REDIC1: variants seen among roughly 807,000 people sequenced by gnomAD.
REDIC1 encodes HEI10 Interacting Protein 1.
the REDIC1 span, among the ~76,000 whole-genome samples, chr12:39,877,956 G>T: frequency 1.3e-5 from 2 of 152,084 alleles, no homozygotes; most frequent in African/African-American, 2.4e-5. Flanking sequence ...CATGAGATTT[G>T]GTCATCTAAA....
chr12:39,862,729 G>A, the REDIC1 span, among the ~76,000 whole-genome samples: 1 of 152,246 alleles, frequency 6.6e-6, no homozygotes, highest in East Asian at 1.9e-4. Flanking sequence ...TATTGTGTAT[G>A]CATAATAGTG....
At chr12:39,812,996 A>ATTTTTT in the REDIC1 span, among the ~76,000 whole-genome samples, 6,794 of 40,560 alleles carry the variant, frequency 0.17, 2,918 homozygotes, top group Admixed American at 0.25. Context: ...TGCCCAGCTA[A>ATTTTTT]TTTTTTTTTT....
chr12:39,816,593 GAA>G, the REDIC1 span, among the ~76,000 whole-genome samples: 1 of 130,106 alleles, frequency 7.7e-6, no homozygotes. Context: ...TAAAAAAAAA[GAA>G]AGAAAAATCA....
At chr12:39,768,948 G>C in the REDIC1 span, among the ~76,000 whole-genome samples, 1 of 152,054 alleles carries the variant, frequency 6.6e-6, no homozygotes, top group Non-Finnish European at 1.5e-5. Context: ...AGTATATACT[G>C]TCTTCACTAG....
the REDIC1 span, among the ~76,000 whole-genome samples, chr12:39,879,585 AC>A: frequency 6.6e-6 from 1 of 152,032 alleles, no homozygotes; most frequent in East Asian, 1.9e-4. Context: ...TGGGGCCTGT[AC>A]CCCCTTTCTT....
At chr12:39,647,797 A>G in the REDIC1 span, 2 of 1,524,972 alleles carry the variant, frequency 1.3e-6, no homozygotes, top group African/African-American at 1.4e-5. Flanking sequence ...TATAGTCACA[A>G]GGCATGGACT....
chr12:39,669,616 G>A, the REDIC1 span, among the ~76,000 whole-genome samples: 1 of 152,228 alleles, frequency 6.6e-6, no homozygotes, highest in Non-Finnish European at 1.5e-5. Flanking sequence ...AGAGGATTCT[G>A]CTGCCTTTTG....
the REDIC1 span, among the ~76,000 whole-genome samples, chr12:39,726,368 T>G: frequency 6.6e-6 from 1 of 152,128 alleles, no homozygotes; most frequent in East Asian, 1.9e-4. Flanking sequence ...TGTGTGCATG[T>G]GTTCTCACAA....
the REDIC1 span, among the ~76,000 whole-genome samples, chr12:39,634,333 T>C: frequency 1.3e-4 from 20 of 152,184 alleles, no homozygotes; most frequent in African/African-American, 4.8e-4. Flanking sequence ...GATTTTGGGC[T>C]GAGACGATTG....
At chr12:39,858,752 G>C in the REDIC1 span, among the ~76,000 whole-genome samples, 1 of 152,030 alleles carries the variant, frequency 6.6e-6, no homozygotes. Flanking sequence ...GATTATAGGA[G>C]CCTGCCACCA....
chr12:39,787,329 T>C, the REDIC1 span, among the ~76,000 whole-genome samples: 1 of 152,186 alleles, frequency 6.6e-6, no homozygotes, highest in East Asian at 1.9e-4. Context: ...ATAACAGTAA[T>C]TACTGTTGTT....
the REDIC1 span, among the ~76,000 whole-genome samples, chr12:39,713,795 G>A: frequency 0.79 from 117,076 of 147,894 alleles, 46,994 homozygotes; most frequent in Non-Finnish European, 0.86. Context: ...ATACATAGAT[G>A]TATATATGCA....
the REDIC1 span, among the ~76,000 whole-genome samples, chr12:39,854,296 TA>T: frequency 6.6e-6 from 1 of 152,136 alleles, no homozygotes; most frequent in African/African-American, 2.4e-5. Context: ...GGGTAATAGG[TA>T]ATATTCAAAA....
chr12:39,867,480 A>T, the REDIC1 span, among the ~76,000 whole-genome samples: 1 of 152,168 alleles, frequency 6.6e-6, no homozygotes, highest in Admixed American at 6.5e-5. Flanking sequence ...AAAAACAAAA[A>T]AAAAACTGTT....
chr12:39,823,470 C>T, the REDIC1 span, among the ~76,000 whole-genome samples: 1 of 151,920 alleles, frequency 6.6e-6, no homozygotes, highest in Non-Finnish European at 1.5e-5. Context: ...AGGAAAACTC[C>T]CTCTGTTTTT....
chr12:39,896,384 G>A, the REDIC1 span, among the ~76,000 whole-genome samples: 1 of 119,156 alleles, frequency 8.4e-6, no homozygotes, highest in African/African-American at 4.2e-5. Flanking sequence ...ATATATGTAT[G>A]TATATGTGTA....
chr12:39,702,227 C>T, the REDIC1 span, among the ~76,000 whole-genome samples: 173 of 152,022 alleles, frequency 1.1e-3, no homozygotes, highest in African/African-American at 4.0e-3. Context: ...ATCAAATAGA[C>T]GCAATAAAAA....
At chr12:39,711,581 A>ATGCATG in the REDIC1 span, among the ~76,000 whole-genome samples, 35 of 54,228 alleles carry the variant, frequency 6.5e-4, 1 homozygote, top group Admixed American at 1.7e-3. Flanking sequence ...GTGCATACAC[A>ATGCATG]TGCATGTGTA....
At chr12:39,902,546 C>T in the REDIC1 span, among the ~76,000 whole-genome samples, 1 of 151,874 alleles carries the variant, frequency 6.6e-6, no homozygotes, top group Non-Finnish European at 1.5e-5. Context: ...TTAAGCACTA[C>T]CAGGTGTACT....
Sources: gnomAD v4.1 joint callset for allele counts (sites outside exome capture counted in the v4.1 genomes callset) on GRCh38, gnomAD v4.1.1 for gene constraint, MANE v1.5 for transcripts, NCBI Gene and HGNC (gene_info 2026-07-23, HGNC 2026-07-21) for gene names.